Variants in ZNF761 observed in about 807,000 individuals in gnomAD.
ZNF761 encodes the protein zinc finger protein 761.
A neutral mutation model predicts 59.9 loss-of-function variants in ZNF761; 43 were observed. That is an observed-to-expected ratio of 0.72 (90% CI 0.56 to 0.92). The LOEUF is 0.92. Ranked by LOEUF, ZNF761 falls within the 40% of genes least tolerant of loss-of-function variation. The pLI, the probability that ZNF761 is intolerant of heterozygous loss-of-function variation, is 0.00. For missense variants in ZNF761, 850 were observed against 906.1 expected (o/e 0.94, Z 0.79); for synonymous variants, 294 against 304.8 (o/e 0.96, Z 0.37).
intron 3 of ZNF761, among the ~76,000 whole-genome samples, chr19:53,447,958 G>A (rs11084253): frequency 2.0e-5 from 3 of 152,034 alleles, no homozygotes; most frequent in African/African-American, 7.3e-5. Flanking sequence ...TGTGAAACAG[G>A]TGTTTTCATT....
intron 3 of ZNF761, among the ~76,000 whole-genome samples, chr19:53,447,839 T>C (rs1219404218): frequency 6.6e-6 from 1 of 152,238 alleles, no homozygotes; most frequent in Non-Finnish European, 1.5e-5. Flanking sequence ...TGTTTTATTC[T>C]GTCATTATTT....
At chr19:53,439,330 G>T (rs966606825) in intron 1 of ZNF761, among the ~76,000 whole-genome samples, 1 of 151,538 alleles carries the variant, frequency 6.6e-6, no homozygotes, top group African/African-American at 2.4e-5. Flanking sequence ...TTTTGAGATG[G>T]AGTCTTGCTC....
intron 4 of ZNF761, chr19:53,450,105 C>G (rs1023063073): frequency 3.2e-6 from 1 of 312,496 alleles, no homozygotes; most frequent in Admixed American, 4.7e-5. Context: ...GCGATCGAGA[C>G]CAGCCCGGCC....
intron 1 of ZNF761, chr19:53,442,368 T>G: frequency 9.8e-7 from 1 of 1,023,694 alleles, no homozygotes; most frequent in South Asian, 1.3e-5. Context: ...GAACCTGAAG[T>G]GTCTGAGTGC....
intron 1 of ZNF761, chr19:53,442,163 G>T (rs918216309): frequency 2.8e-5 from 32 of 1,125,102 alleles, no homozygotes; most frequent in Non-Finnish European, 4.0e-5. Context: ...GGCCTTAAAA[G>T]ATGAAGAAGA....
At chr19:53,449,883 G>C (rs1303975481) in intron 4 of ZNF761, 4 of 820,910 alleles carry the variant, frequency 4.9e-6, no homozygotes, top group South Asian at 2.0e-5. Context: ...TTCCAGACAG[G>C]GTCTTGCTGT....
At chr19:53,445,948 A>G (rs909640996) in intron 1 of ZNF761, among the ~76,000 whole-genome samples, 3 of 152,024 alleles carry the variant, frequency 2.0e-5, no homozygotes, top group African/African-American at 7.2e-5. Flanking sequence ...GCTTGCCCTC[A>G]TCTCATGACT....
chr19:53,435,978 G>A (rs1470497711), intron 1 of ZNF761, among the ~76,000 whole-genome samples: 2 of 152,170 alleles, frequency 1.3e-5, no homozygotes, highest in East Asian at 3.9e-4. Context: ...CTAGAGCTGG[G>A]CTTGTCGTCC....
intron 1 of ZNF761, chr19:53,442,775 G>T (rs2086113894): frequency 2.8e-6 from 1 of 360,496 alleles, no homozygotes; most frequent in East Asian, 3.7e-5. Flanking sequence ...AACTGTCTCT[G>T]CCTCTTCCTG....
Position 53,457,036 on chromosome 19 carries a change from C to A in ZNF761, c.*288C>A. ...GCTTTTGGGCATGATTCGCACCTGG[C>A]ACAACATGCTAGAATTCACACTGGA... On this transcript the variant is annotated 3_prime_UTR_variant, in exon 5 of 5. Transcript: ENST00000684525. The A allele has an allele frequency of 1.7e-6, 1 of 587,654 alleles. No homozygotes were observed. Among genetic ancestry groups the A allele is most frequent in the Non-Finnish European group, 3.1e-6 (1 of 326,838 alleles). 36.4% of individuals were successfully genotyped at this position (587,654 alleles called of 1,614,324 possible). A position where few individuals can be genotyped will look rare whatever the true frequency, so the allele number is the denominator to read the frequency against.
At chr19:53,432,190 G>A (rs2085977559) in intron 1 of ZNF761, among the ~76,000 whole-genome samples, 162 bp downstream of exon 1, 1 of 152,192 alleles carries the variant, frequency 6.6e-6, no homozygotes, top group African/African-American at 2.4e-5. Flanking sequence ...GGTTCCTTTT[G>A]GGTTTAAGGT....
intron 1 of ZNF761, among the ~76,000 whole-genome samples, chr19:53,436,541 C>T (rs1174368855): frequency 6.6e-6 from 1 of 152,208 alleles, no homozygotes; most frequent in Non-Finnish European, 1.5e-5. Flanking sequence ...GATCTTATCT[C>T]AGATGAGTTT....
chr19:53,452,467 A>G (rs1273578440), intron 4 of ZNF761, among the ~76,000 whole-genome samples: 2 of 152,110 alleles, frequency 1.3e-5, no homozygotes, highest in African/African-American at 2.4e-5. Flanking sequence ...CAGGTGACAA[A>G]GTAAGACTCG....
rs767543677 is a variant in ZNF761 at position 53,456,609 on chromosome 19, A to T, written c.2102A>T (p.Gln701Leu). 7 of 1,612,450 alleles carry T rather than the reference A, an allele frequency of 4.3e-6. No homozygotes were observed. The highest frequency in any genetic ancestry group is 5.9e-6 in the Non-Finnish European group (7 of 1,179,358). The stretch of plus-strand genomic sequence containing the variant: ...AATGAGTGTGGCAAGAACTTTAGTC[A>T]GAAGTCATCCCTTATATGCCACCAT... ...KCNECGKNFS[Q>L]KSSLICHHRL... is the part of the protein sequence containing the mutation. Residue 701 changes from glutamine (Q) to leucine (L), a missense_variant, in exon 5 of 5, where the codon CAG becomes CTG. Coordinates refer to ENST00000684525, the MANE Select transcript of ZNF761 (RefSeq NM_001289951.2).
intron 1 of ZNF761, among the ~76,000 whole-genome samples, chr19:53,445,944 C>A (rs1307323831): frequency 6.6e-6 from 1 of 152,174 alleles, no homozygotes; most frequent in Non-Finnish European, 1.5e-5. Context: ...GGGAGCTTGC[C>A]CTCATCTCAT....
At chr19:53,440,049 G>C (rs573289452) in intron 1 of ZNF761, among the ~76,000 whole-genome samples, 2 of 152,238 alleles carry the variant, frequency 1.3e-5, no homozygotes, top group South Asian at 4.1e-4. Context: ...GGGTGCTGTG[G>C]CTCACTCCTA....
chr19:53,454,167 T>C (rs1321565674), intron 4 of ZNF761, among the ~76,000 whole-genome samples: 1 of 152,224 alleles, frequency 6.6e-6, no homozygotes, highest in Non-Finnish European at 1.5e-5. Flanking sequence ...GTCTTCTCAG[T>C]GCTATGACTG....
At chr19:53,439,832 C>A (rs1306872183) in intron 1 of ZNF761, among the ~76,000 whole-genome samples, 3 of 151,970 alleles carry the variant, frequency 2.0e-5, no homozygotes, top group East Asian at 1.9e-4. Context: ...TTGCAGATGC[C>A]CTGTACAGAC....
chr19:53,433,529 CT>C, intron 1 of ZNF761, among the ~76,000 whole-genome samples: 1 of 151,574 alleles, frequency 6.6e-6, no homozygotes, highest in South Asian at 2.1e-4. Flanking sequence ...TTGCCTGTTA[CT>C]TTTCTTGGAG....
Sources: allele counts gnomAD v4.1 joint callset (sites outside exome capture counted in the v4.1 genomes callset), GRCh38; gene constraint gnomAD v4.1.1; transcripts MANE v1.5; gene names NCBI Gene and HGNC (gene_info 2026-07-23, HGNC 2026-07-21).